PEAK1: variants seen among roughly 807,000 people sequenced by gnomAD.
PEAK1 encodes inactive tyrosine-protein kinase PEAK1.
In PEAK1, 54 loss-of-function variants were observed where a neutral mutation model predicts 124.7. That is an observed-to-expected ratio of 0.43 (90% CI 0.35 to 0.54). PEAK1 has a LOEUF of 0.54. Ranked by LOEUF, PEAK1 falls within the 20% of genes least tolerant of loss-of-function variation. The probability of loss-of-function intolerance (pLI) is 0.01; values close to 1 mark genes in which losing one functional copy is unlikely to be tolerated. For synonymous variants in PEAK1, 719 were observed against 760.0 expected (o/e 0.95, Z 0.89); for missense variants, 2,046 against 2,134.5 (o/e 0.96, Z 0.82).
intron 6 of PEAK1, among the ~76,000 whole-genome samples, chr15:77,189,224 C>A (rs1417448312): frequency 6.6e-6 from 1 of 151,914 alleles, no homozygotes; most frequent in Non-Finnish European, 1.5e-5. Flanking sequence ...AAAACAAACA[C>A]CTCATAATTC....
intron 2 of PEAK1, among the ~76,000 whole-genome samples, chr15:77,342,498 C>T (rs577257923): frequency 2.6e-5 from 4 of 151,450 alleles, no homozygotes; most frequent in South Asian, 4.2e-4. Flanking sequence ...CTGCAATTTC[C>T]GGGCTCAAGT....
chr15:77,360,588 C>T (rs1567306086), intron 2 of PEAK1, among the ~76,000 whole-genome samples: 1 of 151,952 alleles, frequency 6.6e-6, no homozygotes, highest in African/African-American at 2.4e-5. Context: ...AAAAAGACAG[C>T]ATTCATGGGA....
intron 1 of PEAK1, chr15:77,403,381 A>G (rs1319984118): frequency 1.1e-6 from 1 of 922,376 alleles, no homozygotes; most frequent in African/African-American, 1.8e-5. Context: ...GATATAATGA[A>G]TAAAATATTA....
intron 1 of PEAK1, among the ~76,000 whole-genome samples, chr15:77,382,777 A>G (rs1382386286): frequency 6.6e-6 from 1 of 152,170 alleles, no homozygotes; most frequent in African/African-American, 2.4e-5. Flanking sequence ...CATTTGGAAT[A>G]TGGCTATTAG....
intron 6 of PEAK1, among the ~76,000 whole-genome samples, chr15:77,213,418 G>A (rs542111897): frequency 5.3e-5 from 8 of 152,234 alleles, no homozygotes; most frequent in South Asian, 4.2e-4. Context: ...GCAGCCGGAC[G>A]CGGTGGCTCA....
At chr15:77,408,154 T>TATACACACACAC (rs1555504227) in intron 1 of PEAK1, among the ~76,000 whole-genome samples, 28 of 144,418 alleles carry the variant, frequency 1.9e-4, no homozygotes, top group East Asian at 1.0e-3. Context: ...CATATATACA[T>TATACACACACAC]ACACACACAC....
At chr15:77,190,278 A>C (rs1282651490) in intron 6 of PEAK1, among the ~76,000 whole-genome samples, 1 of 152,240 alleles carries the variant, frequency 6.6e-6, no homozygotes, top group African/African-American at 2.4e-5. Flanking sequence ...TACTTTGAAG[A>C]AGTATAGATT....
intron 7 of PEAK1, among the ~76,000 whole-genome samples, chr15:77,172,595 G>A (rs935294480): frequency 6.6e-6 from 1 of 152,128 alleles, no homozygotes; most frequent in Non-Finnish European, 1.5e-5. Flanking sequence ...GAAAGAGGGG[G>A]CTAGTTCAGC....
downstream of PEAK1, chr15:77,105,068 A>G (rs1413181810): frequency 6.6e-6 from 1 of 152,196 alleles, no homozygotes; most frequent in Non-Finnish European, 1.5e-5. Flanking sequence ...ACCCTGGGCA[A>G]AGATGAACCA....
intron 5 of PEAK1, among the ~76,000 whole-genome samples, chr15:77,255,935 G>A (rs2061106129): frequency 6.6e-6 from 1 of 152,068 alleles, no homozygotes; most frequent in Non-Finnish European, 1.5e-5. Flanking sequence ...CTGGGTAATA[G>A]GGTCATGTGA....
chr15:77,394,088 T>G (rs563269759), intron 1 of PEAK1, among the ~76,000 whole-genome samples: 2 of 152,258 alleles, frequency 1.3e-5, no homozygotes, highest in East Asian at 1.9e-4. Flanking sequence ...TCTTGTGGCT[T>G]GAATGCCAGC....
chr15:77,316,680 T>C (rs963978390), intron 2 of PEAK1, among the ~76,000 whole-genome samples: 7 of 152,208 alleles, frequency 4.6e-5, no homozygotes, highest in Non-Finnish European at 7.4e-5. Flanking sequence ...CAATGAATAA[T>C]AGCTGACGAA....
chr15:77,387,666 A>G (rs2070066730), intron 1 of PEAK1, among the ~76,000 whole-genome samples: 1 of 152,234 alleles, frequency 6.6e-6, no homozygotes, highest in South Asian at 2.1e-4. Context: ...TACCCAGGAA[A>G]ATGTGTTATA....
chr15:77,204,879 C>T lies in PEAK1; in HGVS notation c.-114-22839G>A, dbSNP rs1024439456. On this transcript the variant is annotated intron_variant, in intron 6 of 9. Transcript: ENST00000682557. ...AGATTGTGCCACTGCACTCCAGCCC[C>T]GGCAACAGAGTGAGACTCTGTCCAA... is the stretch of plus-strand genomic sequence containing the variant. 2.9e-5 allele frequency: 5 copies of T among 170,726 alleles called. No homozygotes were observed. The East Asian group carries it at 5.5e-4, about 19-fold the overall frequency. 10.6% of individuals were successfully genotyped at this position (170,726 alleles called of 1,614,324 possible).
At position 77,403,023 on chromosome 15, in the gene PEAK1, G is replaced by A. The variant is rs1001738290; in HGVS notation, c.-666+16983C>T. The A allele has an allele frequency of 1.6e-5, 16 of 985,246 alleles. No individual in the cohort carries two copies. The African/African-American group carries it at 2.6e-4, about 16-fold the overall frequency. The allele number at this position is 985,246 out of a possible 1,614,324, so 61.0% of individuals were successfully genotyped here. On this transcript the variant is annotated intron_variant, in intron 1 of 9. Transcript: ENST00000682557. ...TGATTTTGTTATACTTCCACTCTAA[G>A]CAATGATGAAATGTTGCATCCCATT...
chr15:77,233,081 CCAGAT>C (rs1202665168), intron 6 of PEAK1, among the ~76,000 whole-genome samples: 2 of 152,132 alleles, frequency 1.3e-5, no homozygotes, highest in African/African-American at 2.4e-5. Context: ...TTTCTCCATT[CCAGAT>C]AATTCCCACT....
chr15:77,366,658 T>A (rs2141628588), intron 1 of PEAK1, among the ~76,000 whole-genome samples: 1 of 152,094 alleles, frequency 6.6e-6, no homozygotes, highest in Non-Finnish European at 1.5e-5. Flanking sequence ...CAGGCTCGAG[T>A]GATCCTTCTA....
rs922314355 is a variant in PEAK1, at chr15:77,348,280, A to G, written c.-603+16883T>C. Reference sequence around the variant, plus strand: ...TAGCGTACAACATCCCTGAGTCTCAATTTTCCTCATCAGTAAAATGAGTCT... The same window carrying G: ...TAGCGTACAACATCCCTGAGTCTCAGTTTTCCTCATCAGTAAAATGAGTCT... On this transcript the variant is annotated intron_variant, in intron 2 of 9. Coordinates refer to ENST00000682557, the MANE Select transcript of PEAK1 (RefSeq NM_001385026.1). The G allele has an allele frequency of 4.7e-5, 43 of 907,804 alleles. No homozygotes were observed. In the South Asian group the frequency reaches 1.9e-3, roughly 40 times the overall value. The allele number at this position is 907,804 out of a possible 1,614,324, so 56.2% of individuals were successfully genotyped here.
intron 1 of PEAK1, among the ~76,000 whole-genome samples, chr15:77,412,342 G>A (rs1429918974): frequency 6.6e-6 from 1 of 152,106 alleles, no homozygotes; most frequent in Non-Finnish European, 1.5e-5. Flanking sequence ...AACCAGTCTA[G>A]AACAGAACTC....
Sources: gnomAD v4.1 joint callset for allele counts (sites outside exome capture counted in the v4.1 genomes callset) on GRCh38, gnomAD v4.1.1 for gene constraint, MANE v1.5 for transcripts, NCBI Gene and HGNC (gene_info 2026-07-23, HGNC 2026-07-21) for gene names.